Variants in ZMAT4 observed in about 807,000 individuals in gnomAD.
The protein encoded by ZMAT4 is zinc finger matrin-type 4.
In ZMAT4, 17 loss-of-function variants were observed where a neutral mutation model predicts 28.7. The observed-to-expected ratio is 0.59, with a 90% CI of 0.41 to 0.89. The LOEUF (loss-of-function observed/expected upper bound fraction) is 0.89. Ranked by LOEUF, ZMAT4 falls within the 40% of genes least tolerant of loss-of-function variation. The probability of loss-of-function intolerance (pLI) is 0.00; values close to 1 mark genes in which losing one functional copy is unlikely to be tolerated. For synonymous variants in ZMAT4, 117 were observed against 109.2 expected (o/e 1.07, Z -0.44); for missense variants, 240 against 283.8 (o/e 0.85, Z 1.11).
At chr8:40,887,559 C>CAA (rs144568478) in intron 1 of ZMAT4, among the ~76,000 whole-genome samples, 1 of 149,720 alleles carries the variant, frequency 6.7e-6, no homozygotes, top group Non-Finnish European at 1.5e-5. Context: ...TTGGAAAATA[C>CAA]AAAAAAAAAG....
In ZMAT4 at chr8:40,710,094, A is replaced by G. The variant is rs551138806; in HGVS notation, c.193-12693T>C. On this transcript the variant is annotated intron_variant, in intron 3 of 6. Transcript: ENST00000297737. Reference sequence around the variant, plus strand: ...TAGTCTGAGATATATACATATAGATATATAAATAGATATAATTAAGATAAA... The same window carrying G: ...TAGTCTGAGATATATACATATAGATGTATAAATAGATATAATTAAGATAAA... Among the ~76,000 whole-genome samples the G allele has an allele frequency of 1.2e-4, 18 of 151,974 alleles. No homozygotes were observed. In the East Asian group the frequency reaches 2.7e-3, roughly 23 times the overall value.
chr8:40,867,933 A>T (rs930974835), intron 1 of ZMAT4, among the ~76,000 whole-genome samples: 6 of 145,364 alleles, frequency 4.1e-5, no homozygotes, highest in African/African-American at 1.5e-4. Flanking sequence ...AATAAAATAT[A>T]AAAAAAAAAA....
intron 1 of ZMAT4, among the ~76,000 whole-genome samples, chr8:40,832,548 C>T (rs1476557112): frequency 6.6e-6 from 1 of 152,174 alleles, no homozygotes; most frequent in African/African-American, 2.4e-5. Flanking sequence ...CTCACCCATG[C>T]CACCACCAAA....
At chr8:40,629,705 T>C (rs371564733) in intron 5 of ZMAT4, among the ~76,000 whole-genome samples, 1 of 152,020 alleles carries the variant, frequency 6.6e-6, no homozygotes, top group East Asian at 1.9e-4. Context: ...TGGTTTCTAG[T>C]TTCATCCATG....
At chr8:40,712,993 G>A (rs995110326) in intron 3 of ZMAT4, among the ~76,000 whole-genome samples, 28 of 151,636 alleles carry the variant, frequency 1.8e-4, no homozygotes, top group Admixed American at 1.2e-3. Flanking sequence ...AGAAAAATAC[G>A]GATACTAAAT....
chr8:40,605,173 A>G (rs1805537572), intron 5 of ZMAT4, among the ~76,000 whole-genome samples: 1 of 151,910 alleles, frequency 6.6e-6, no homozygotes, highest in East Asian at 1.9e-4. Flanking sequence ...GTTTGTTTCA[A>G]TTTCATTTAG....
chr8:40,734,715 T>C (rs1811688917), intron 3 of ZMAT4, among the ~76,000 whole-genome samples: 1 of 152,184 alleles, frequency 6.6e-6, no homozygotes, highest in African/African-American at 2.4e-5. Flanking sequence ...ACCTTACATT[T>C]AACAGCAACT....
At chr8:40,704,515 T>A (rs149873461) in intron 3 of ZMAT4, among the ~76,000 whole-genome samples, 16 of 152,350 alleles carry the variant, frequency 1.1e-4, no homozygotes, top group Admixed American at 1.0e-3. Context: ...TGCCATACAT[T>A]TTGATTTGGT....
intron 6 of ZMAT4, among the ~76,000 whole-genome samples, chr8:40,551,374 T>C (rs180807213): frequency 7.2e-5 from 11 of 152,284 alleles, no homozygotes; most frequent in African/African-American, 4.8e-5. Flanking sequence ...TCAGTAAGGA[T>C]CATGAGAAAG....
intron 2 of ZMAT4, among the ~76,000 whole-genome samples, chr8:40,772,137 G>T (rs893970766): frequency 1.3e-5 from 2 of 152,146 alleles, no homozygotes; most frequent in Non-Finnish European, 2.9e-5. Context: ...TGCATTTTGA[G>T]CAAAACTCAT....
intron 5 of ZMAT4, among the ~76,000 whole-genome samples, chr8:40,645,850 T>C (rs1467204624): frequency 6.6e-6 from 1 of 152,130 alleles, no homozygotes; most frequent in Non-Finnish European, 1.5e-5. Flanking sequence ...TGTATGTATA[T>C]AACCATATAC....
At chr8:40,687,471 T>C (rs892300384) in intron 4 of ZMAT4, among the ~76,000 whole-genome samples, 2 of 152,150 alleles carry the variant, frequency 1.3e-5, no homozygotes, top group Admixed American at 6.5e-5. Flanking sequence ...AAGAGTTAAA[T>C]AGAATCTTAT....
intron 3 of ZMAT4, among the ~76,000 whole-genome samples, chr8:40,762,310 A>G (rs10958633): frequency 0.22 from 33,583 of 152,090 alleles, 3,884 homozygotes; most frequent in Non-Finnish European, 0.25. Context: ...TGGGCCATAA[A>G]TCCAGTTATT....
At chr8:40,624,940 A>G (rs1469528448) in intron 5 of ZMAT4, among the ~76,000 whole-genome samples, 1 of 152,148 alleles carries the variant, frequency 6.6e-6, no homozygotes, top group Non-Finnish European at 1.5e-5. Context: ...ATGTCAAAAT[A>G]CTGGATAATT....
chr8:40,614,491 T>C (rs931200362), intron 5 of ZMAT4, among the ~76,000 whole-genome samples: 12 of 152,182 alleles, frequency 7.9e-5, no homozygotes, highest in Non-Finnish European at 1.5e-4. Flanking sequence ...GTTAACTTTC[T>C]GTCTCGTTGA....
chr8:40,825,451 G>T, intron 2 of ZMAT4, 124 bp downstream of exon 2: 1 of 772,846 alleles, frequency 1.3e-6, no homozygotes, highest in Non-Finnish European at 2.1e-6. Context: ...AGACTGTACA[G>T]GCTCAAGTCC....
chr8:40,734,531 AC>A (rs1811678628), intron 3 of ZMAT4, among the ~76,000 whole-genome samples: 3 of 152,216 alleles, frequency 2.0e-5, no homozygotes, highest in African/African-American at 7.2e-5. Flanking sequence ...ATGGAAAAGT[AC>A]AACCGAGCGG....
At chr8:40,577,415 T>G (rs1322994274) in intron 6 of ZMAT4, among the ~76,000 whole-genome samples, 1 of 152,142 alleles carries the variant, frequency 6.6e-6, no homozygotes, top group Non-Finnish European at 1.5e-5. Flanking sequence ...TTAAGTGAAA[T>G]AGCCTGGCAC....
At chr8:40,773,756 A>G (rs1813481755) in intron 2 of ZMAT4, among the ~76,000 whole-genome samples, 1 of 152,160 alleles carries the variant, frequency 6.6e-6, no homozygotes, top group African/African-American at 2.4e-5. Context: ...TTTATCTTGA[A>G]GGTCTTTCAC....
Sources: allele counts gnomAD v4.1 joint callset (sites outside exome capture counted in the v4.1 genomes callset), GRCh38; gene constraint gnomAD v4.1.1; transcripts MANE v1.5; gene names NCBI Gene and HGNC (gene_info 2026-07-23, HGNC 2026-07-21).